RERE: variants seen among roughly 807,000 people sequenced by gnomAD.
The protein encoded by RERE is arginine-glutamic acid dipeptide repeats protein.
A neutral mutation model predicts 146.1 loss-of-function variants in RERE; 40 were observed. The observed-to-expected ratio is 0.27, with a 90% CI of 0.21 to 0.36. The LOEUF (loss-of-function observed/expected upper bound fraction) is 0.36, where lower values mean the gene tolerates loss of function less well. Ranked by LOEUF, RERE falls within the 10% of genes least tolerant of loss-of-function variation. RERE has a pLI of 1.00. For missense variants in RERE, 1,933 were observed against 2,138.7 expected, an observed-to-expected ratio of 0.90 and a Z score of 1.90; for synonymous variants, 1,003 against 866.0, an observed-to-expected ratio of 1.16 and a Z score of -2.78.
intron 3 of RERE, among the ~76,000 whole-genome samples, chr1:8,616,306 A>G (rs1646852098): frequency 6.6e-6 from 1 of 152,248 alleles, no homozygotes; most frequent in Non-Finnish European, 1.5e-5. Flanking sequence ...GCATTTTTTC[A>G]AAACAAGTCA....
At chr1:8,431,246 GCA>G (rs929721085) in intron 11 of RERE, among the ~76,000 whole-genome samples, 1 of 152,162 alleles carries the variant, frequency 6.6e-6, no homozygotes, top group Non-Finnish European at 1.5e-5. Flanking sequence ...CCCCTGGCTT[GCA>G]TTACCGCCTG....
chr1:8,779,155 A>G (rs969563272), intron 1 of RERE, among the ~76,000 whole-genome samples: 2 of 151,898 alleles, frequency 1.3e-5, no homozygotes, highest in Non-Finnish European at 2.9e-5. Flanking sequence ...TCCAGTTACT[A>G]AACAGTTTTA....
rs1386240658 is a variant in RERE, at chr1:8,708,633, C to T, written c.-144-52192G>A. 2.0e-5 allele frequency among the ~76,000 whole-genome samples: 3 copies of T among 152,006 alleles called. No individual in the cohort carries two copies. In the East Asian group the frequency reaches 5.8e-4, roughly 29 times the overall value. On this transcript the variant is annotated intron_variant, in intron 1 of 22. Coordinates refer to ENST00000400908, the MANE Select transcript of RERE (RefSeq NM_001042681.2). ...GAACCACTGAACCCGGCCAATCTGA[C>T]GGTTTTAAAAATGGGAGTCTCCCTG... is the stretch of plus-strand genomic sequence containing the variant.
chr1:8,433,685 C>G (rs1043926710), intron 11 of RERE, among the ~76,000 whole-genome samples: 1 of 151,668 alleles, frequency 6.6e-6, no homozygotes, highest in Non-Finnish European at 1.5e-5. Context: ...CTCAGCCTCC[C>G]GAGTAGCTGG....
intron 10 of RERE, among the ~76,000 whole-genome samples, chr1:8,490,088 C>T (rs1339235191): frequency 2.0e-5 from 3 of 149,466 alleles, no homozygotes; most frequent in African/African-American, 2.5e-5. Context: ...ACAGAACAGG[C>T]GCAGTGGCTC....
At chr1:8,726,659 T>G (rs1639975304) in intron 1 of RERE, among the ~76,000 whole-genome samples, 1 of 152,096 alleles carries the variant, frequency 6.6e-6, no homozygotes, top group Non-Finnish European at 1.5e-5. Context: ...AATTTAACTT[T>G]CCATTGCCAG....
chr1:8,380,107 T>A (rs931110949), intron 12 of RERE, among the ~76,000 whole-genome samples: 1 of 152,186 alleles, frequency 6.6e-6, no homozygotes, highest in Non-Finnish European at 1.5e-5. Context: ...GAACATACCA[T>A]AACCCCATCC....
At chr1:8,428,929 C>T (rs2124480089) in intron 11 of RERE, among the ~76,000 whole-genome samples, 1 of 152,148 alleles carries the variant, frequency 6.6e-6, no homozygotes, top group East Asian at 1.9e-4. Context: ...CACTGGTCTG[C>T]CTAGATACTG....
At chr1:8,583,879 GTA>G (rs1282245907) in intron 4 of RERE, among the ~76,000 whole-genome samples, 6 of 151,688 alleles carry the variant, frequency 4.0e-5, no homozygotes, top group Non-Finnish European at 8.8e-5. Flanking sequence ...CAAAAGCAAA[GTA>G]CATTATACAA....
intron 4 of RERE, among the ~76,000 whole-genome samples, chr1:8,573,852 C>A (rs1013484309): frequency 6.6e-6 from 1 of 152,216 alleles, no homozygotes. Flanking sequence ...CTCACCCAGG[C>A]TGCAGTGCAG....
At chr1:8,361,738 A>C (rs774430115) in intron 17 of RERE, 25 bp downstream of exon 17, 1 of 1,578,106 alleles carries the variant, frequency 6.3e-7, no homozygotes, top group African/African-American at 1.3e-5. Flanking sequence ...AGCTTTACTC[A>C]GCAAGGCTCA....
chr1:8,461,464 T>G (rs1267183375), intron 11 of RERE, among the ~76,000 whole-genome samples: 1 of 152,122 alleles, frequency 6.6e-6, no homozygotes, highest in Non-Finnish European at 1.5e-5. Flanking sequence ...TCAAACCAAG[T>G]TTACTTAGCC....
In RERE at chr1:8,541,246, A is replaced by G; in HGVS notation, c.798T>C (p.Phe266=). The G allele has an allele frequency of 6.2e-7, 1 of 1,609,330 alleles. No individual in the cohort carries two copies. The highest frequency in any genetic ancestry group is 8.5e-7 in the Non-Finnish European group (1 of 1,175,916). The change falls in exon 7 of 23, where the codon TTT becomes TTC. Residue 266 remains phenylalanine, a synonymous_variant. Transcript: ENST00000400908. Reference sequence around the variant, plus strand: ...CAGGGTTATATCCTAATATGTAGAAAAATGAATCCACTCGGGCTTTAAACT... The same window carrying G: ...CAGGGTTATATCCTAATATGTAGAAGAATGAATCCACTCGGGCTTTAAACT... ...AREFKARVDS[F]FYILGYNPET...
At chr1:8,702,924 C>T (rs1163168650) in intron 1 of RERE, 1 of 152,154 alleles carries the variant, frequency 6.6e-6, no homozygotes, top group African/African-American at 2.4e-5. Context: ...CTTAGGAACA[C>T]CCGAGTTCCA....
intron 4 of RERE, among the ~76,000 whole-genome samples, chr1:8,592,713 C>G (rs920064650): frequency 6.6e-6 from 1 of 152,130 alleles, no homozygotes; most frequent in Admixed American, 6.5e-5. Context: ...GAGATCCCAT[C>G]TCAAAAGAAA....
intron 12 of RERE, among the ~76,000 whole-genome samples, chr1:8,389,753 G>A (rs1431073557): frequency 6.6e-6 from 1 of 152,188 alleles, no homozygotes; most frequent in Non-Finnish European, 1.5e-5. Flanking sequence ...AGCCCCAACT[G>A]TAGTATGCGA....
intron 7 of RERE, among the ~76,000 whole-genome samples, chr1:8,538,841 T>A (rs1326123348): frequency 6.6e-6 from 1 of 152,190 alleles, no homozygotes; most frequent in Non-Finnish European, 1.5e-5. Flanking sequence ...TGTGCTGCTA[T>A]CATCATGTCT....
At chr1:8,416,412 C>G (rs1341167067) in intron 12 of RERE, among the ~76,000 whole-genome samples, 1 of 151,882 alleles carries the variant, frequency 6.6e-6, no homozygotes, top group Non-Finnish European at 1.5e-5. Context: ...GGTGAAAACC[C>G]CGTCTCTACT....
chr1:8,743,601 T>C (rs1053452164), intron 1 of RERE, among the ~76,000 whole-genome samples: 4 of 152,030 alleles, frequency 2.6e-5, no homozygotes, highest in East Asian at 3.9e-4. Context: ...CCAACTGATA[T>C]ATATTTCATC....
Sources: gnomAD v4.1 joint callset for allele counts (sites outside exome capture counted in the v4.1 genomes callset) on GRCh38, gnomAD v4.1.1 for gene constraint, MANE v1.5 for transcripts, NCBI Gene and HGNC (gene_info 2026-07-23, HGNC 2026-07-21) for gene names.